Variants in URGCP observed in about 807,000 individuals in gnomAD.
The protein encoded by URGCP is upregulator of cell proliferation.
URGCP carries 13 observed loss-of-function variants against 24.6 expected under a neutral mutation model. The ratio of observed to expected loss-of-function variants is 0.53; its 90% CI spans 0.34 to 0.84. URGCP has a LOEUF of 0.84. URGCP is among the 40% of genes least tolerant of loss of function. The pLI, the probability that URGCP is intolerant of heterozygous loss-of-function variation, is 0.01. For missense variants in URGCP, 899 were observed against 1,194.3 expected (o/e 0.75, Z 3.64); for synonymous variants, 444 against 487.2 (o/e 0.91, Z 1.17).
In URGCP at chr7:43,918,649, G is replaced by A. The variant is rs574425557; in HGVS notation, c.-116+7483C>T. ...GTGGATATCTGGGGGGCTGGCACGC[G>A]GCAGCGTTGCGGGTGGGAGCGGCTG... On this transcript the variant is annotated intron_variant, in intron 1 of 5. Transcript: ENST00000426198. 1,240 of 605,524 alleles carry A rather than the reference G, an allele frequency of 2.0e-3. 16 individuals are homozygous for A. Among genetic ancestry groups the A allele is most frequent in the South Asian group, 0.014 (680 of 49,996 alleles). 37.5% of individuals were successfully genotyped at this position (605,524 alleles called of 1,614,324 possible).
At chr7:43,924,444 T>C (rs950855971) in intron 1 of URGCP, among the ~76,000 whole-genome samples, 5 of 152,220 alleles carry the variant, frequency 3.3e-5, no homozygotes, top group African/African-American at 7.2e-5. Flanking sequence ...AAAACCACCA[T>C]ATACATTATT....
chr7:43,881,481 T>TG (rs201499602), intron 5 of URGCP, among the ~76,000 whole-genome samples, 178 bp downstream of exon 5: 2,395 of 150,792 alleles, frequency 0.016, 59 homozygotes, highest in African/African-American at 0.055. Flanking sequence ...AGGGTTTTTT[T>TG]TTTTTTTTTT....
intron 1 of URGCP, among the ~76,000 whole-genome samples, chr7:43,913,041 G>T (rs946598504): frequency 2.6e-5 from 4 of 151,940 alleles, no homozygotes; most frequent in African/African-American, 9.7e-5. Context: ...AGTAGAGACA[G>T]GGTTTCACCA....
chr7:43,906,655 C>CGCCG (rs1157028773), upstream of URGCP: 322 of 1,126,196 alleles, frequency 2.9e-4, no homozygotes, highest in Non-Finnish European at 3.4e-4. Flanking sequence ...GGGCCTGGCC[C>CGCCG]GCCGGCCGCC....
chr7:43,896,465 A>T (rs1431639618), intron 1 of URGCP, among the ~76,000 whole-genome samples: 2 of 152,018 alleles, frequency 1.3e-5, no homozygotes, highest in East Asian at 3.9e-4. Flanking sequence ...AAAAAAAAAA[A>T]AAAAAAAGAT....
At chr7:43,895,527 T>C (rs920617424) in intron 1 of URGCP, among the ~76,000 whole-genome samples, 1 of 152,260 alleles carries the variant, frequency 6.6e-6, no homozygotes, top group African/African-American at 2.4e-5. Flanking sequence ...ATATAAAAAT[T>C]AGCTGGATGT....
chr7:43,893,798 G>C (rs2095874480), intron 1 of URGCP, among the ~76,000 whole-genome samples: 1 of 152,200 alleles, frequency 6.6e-6, no homozygotes, highest in South Asian at 2.1e-4. Context: ...TTGAACCCGG[G>C]AGACGGAGGT....
chr7:43,919,759 C>T, intron 1 of URGCP: 1 of 1,360,238 alleles, frequency 7.4e-7, no homozygotes, highest in Middle Eastern at 1.8e-4. Context: ...TTGGGCCCCA[C>T]CAGCATCCAG....
chr7:43,885,758 C>A (rs537566839), intron 3 of URGCP, among the ~76,000 whole-genome samples: 1 of 152,350 alleles, frequency 6.6e-6, no homozygotes, highest in East Asian at 1.9e-4. Flanking sequence ...GAACAACACT[C>A]CCCAAGGGAA....
chr7:43,907,041 CCTCT>C (rs1470608579), upstream of URGCP: 8 of 152,398 alleles, frequency 5.2e-5, no homozygotes, highest in Non-Finnish European at 1.0e-4. Context: ...GAGTTGCTGG[CCTCT>C]CTGAGACGGT....
chr7:43,913,215 T>G (rs1204190224), intron 1 of URGCP, among the ~76,000 whole-genome samples: 2 of 151,998 alleles, frequency 1.3e-5, no homozygotes, highest in African/African-American at 4.8e-5. Flanking sequence ...TTTTTTTGTT[T>G]GTTTGTTTTT....
At position 43,878,427 on chromosome 7, in the gene URGCP, G is replaced by T. The variant is rs1365376495; in HGVS notation, c.1036C>A (p.Leu346Met). ...ATTTCTGTCAAGAGCTTAAACTGCA[G>T]CCAGTGAGACCCGATGTCACCTCTC... Reference protein sequence around the residue: ...NLRGDIGSHWLQFKLLTEISS... With the variant: ...NLRGDIGSHWMQFKLLTEISS... The change falls in exon 6 of 6, where the codon CTG becomes ATG. Residue 346 changes from leucine to methionine, a missense_variant. By Grantham distance (15) the Leu-to-Met change is conservative. Coordinates refer to ENST00000453200, the MANE Select transcript of URGCP (RefSeq NM_001077663.3). This position sits in a 1 kb window ranked among gnomAD's most constrained non-coding sequence, Gnocchi z 5.6. The T allele has an allele frequency of 6.2e-7, 1 of 1,614,212 alleles. No homozygotes were observed. The highest frequency in any genetic ancestry group is 1.7e-5 in the Admixed American group (1 of 60,032).
In URGCP at chr7:43,879,140, G is replaced by C; in HGVS notation, c.323C>G (p.Pro108Arg). The C allele has an allele frequency of 1.2e-6, 2 of 1,614,200 alleles. No homozygotes were observed. The highest frequency in any genetic ancestry group is 1.7e-6 in the Non-Finnish European group (2 of 1,180,044). Residue 108 changes from proline to arginine, a missense_variant, in exon 6 of 6, where the codon CCT (proline) becomes CGT (arginine). Pro to Arg is a moderately radical substitution (Grantham distance 103). Transcript: ENST00000453200. ...CCAGGGCAAGTCTTTGGGAACCTGA[G>C]GGGCCCAGTTCTTCATACTGTCAAA... is the stretch of plus-strand genomic sequence containing the variant. The part of the protein sequence containing the change: ...ISFDSMKNWA[P>R]QVPKDLPWNF...
chr7:43,911,259 G>A (rs1290566981), upstream of URGCP, among the ~76,000 whole-genome samples: 1 of 150,696 alleles, frequency 6.6e-6, no homozygotes, highest in African/African-American at 2.4e-5. Flanking sequence ...AAATTAGCTG[G>A]GTGTGGTGGC....
In URGCP at chr7:43,886,225, C is replaced by T. The variant is rs142721666; in HGVS notation, c.112+1190G>A. On this transcript the variant is annotated intron_variant, in intron 3 of 5. Coordinates refer to ENST00000453200, the MANE Select transcript of URGCP (RefSeq NM_001077663.3). ...TTGGTCTCAAACTCCTGGGTTCAAG[C>T]GAACCTCTTGCCTTGGCCTCCCAAA... Among the ~76,000 whole-genome samples the T allele has an allele frequency of 4.8e-3, 725 of 152,260 alleles. 4 individuals are homozygous for T. The highest frequency in any genetic ancestry group is 0.016 in the African/African-American group (658 of 41,558).
rs1444473170 is a variant in URGCP at position 43,877,349 on chromosome 7, T to C, written c.2114A>G (p.Lys705Arg). 1.9e-6 allele frequency: 3 copies of C among 1,612,780 alleles called. No homozygotes were observed. The highest frequency in any genetic ancestry group is 2.5e-6 in the Non-Finnish European group (3 of 1,180,010). The part of the protein sequence containing the change: ...LSTVGVPGTG[K>R]STLLNTMFGL... ...AAACATGGTGTTGAGGAGTGTGGAC[T>C]TGCCCGTGCCTGGCACCCCGACGGT... is the stretch of plus-strand genomic sequence containing the variant. Residue 705 changes from lysine to arginine, a missense_variant, in exon 6 of 6, where the codon AAG (lysine) becomes AGG (arginine). Physicochemically the swap from Lys to Arg is conservative, Grantham distance 26. Coordinates refer to ENST00000453200, the MANE Select transcript of URGCP (RefSeq NM_001077663.3).
intron 5 of URGCP, chr7:43,881,175 C>T (rs1030531214): frequency 1.4e-5 from 10 of 702,188 alleles, no homozygotes; most frequent in African/African-American, 1.4e-4. Context: ...TTTTAAGTAG[C>T]ATGGTAGTAA....
At chr7:43,912,711 G>A (rs1046253410) in intron 1 of URGCP, among the ~76,000 whole-genome samples, 4 of 152,102 alleles carry the variant, frequency 2.6e-5, no homozygotes, top group African/African-American at 4.8e-5. Flanking sequence ...AACATAGGAT[G>A]TCTTTCCTTT....
chr7:43,918,659 C>T (rs906659921), intron 1 of URGCP: 15 of 618,582 alleles, frequency 2.4e-5, no homozygotes, highest in Admixed American at 5.8e-5. Context: ...GGCAGCGTTG[C>T]GGGTGGGAGC....
Sources: allele counts gnomAD v4.1 joint callset (sites outside exome capture counted in the v4.1 genomes callset), GRCh38; gene constraint gnomAD v4.1.1; non-coding constraint Gnocchi (gnomAD v3.1); transcripts MANE v1.5; gene names NCBI Gene and HGNC (gene_info 2026-07-23, HGNC 2026-07-21).